The following CDH13 variants were observed in gnomAD, a reference collection of about 807,000 sequenced individuals.
CDH13 encodes the protein cadherin-13.
Under a neutral mutation model 63.8 loss-of-function variants are expected in CDH13, and 24 were observed. The observed-to-expected ratio is 0.38, with a 90% CI of 0.27 to 0.53. The LOEUF (loss-of-function observed/expected upper bound fraction) is 0.53, where lower values mean the gene tolerates loss of function less well. Ranked by LOEUF, CDH13 falls within the 20% of genes least tolerant of loss-of-function variation. The pLI, the probability that CDH13 is intolerant of heterozygous loss-of-function variation, is 0.85. For missense variants in CDH13, 1,049 were observed against 903.1 expected, an observed-to-expected ratio of 1.16 and a Z score of -2.07; for synonymous variants, 503 against 355.3, an observed-to-expected ratio of 1.42 and a Z score of -4.67.
At chr16:83,158,015 G>T (rs1441944836) in intron 4 of CDH13, among the ~76,000 whole-genome samples, 1 of 152,104 alleles carries the variant, frequency 6.6e-6, no homozygotes, top group African/African-American at 2.4e-5. Flanking sequence ...AATGCATGCC[G>T]TGAACTCATT....
chr16:83,652,996 TAC>T (rs1461714597), intron 8 of CDH13, among the ~76,000 whole-genome samples: 1 of 152,194 alleles, frequency 6.6e-6, no homozygotes, highest in Non-Finnish European at 1.5e-5. Context: ...TGATCCACGC[TAC>T]AGTGTGGATG....
intron 3 of CDH13, among the ~76,000 whole-genome samples, chr16:83,057,808 G>A (rs775725656): frequency 3.3e-5 from 5 of 152,150 alleles, no homozygotes; most frequent in Non-Finnish European, 7.3e-5. Flanking sequence ...GTTAAGACCA[G>A]AGTGTGCTTC....
chr16:83,593,395 A>T (rs897435272), intron 7 of CDH13, among the ~76,000 whole-genome samples: 1 of 152,190 alleles, frequency 6.6e-6, no homozygotes, highest in South Asian at 2.1e-4. Flanking sequence ...CACAATAGCC[A>T]ACTGGTGTCT....
At chr16:83,724,873 A>T (rs1245415956) in intron 10 of CDH13, among the ~76,000 whole-genome samples, 1 of 152,082 alleles carries the variant, frequency 6.6e-6, no homozygotes, top group African/African-American at 2.4e-5. Flanking sequence ...ACAACTCTAT[A>T]TGGCTTCCCA....
intron 5 of CDH13, among the ~76,000 whole-genome samples, chr16:83,294,878 C>G (rs181455098): frequency 6.6e-6 from 1 of 151,978 alleles, no homozygotes; most frequent in African/African-American, 2.4e-5. Flanking sequence ...TAGGAAAAAT[C>G]ATCCTAAAAA....
intron 1 of CDH13, among the ~76,000 whole-genome samples, chr16:82,817,323 G>A (rs372998971): frequency 1.2e-4 from 19 of 152,132 alleles, no homozygotes; most frequent in African/African-American, 4.6e-4. Flanking sequence ...GCTCTTCTTA[G>A]CTCAGCGTGC....
At chr16:83,513,025 AAG>A (rs1400661587) in intron 7 of CDH13, among the ~76,000 whole-genome samples, 27 of 57,594 alleles carry the variant, frequency 4.7e-4, no homozygotes, top group Admixed American at 3.1e-3. Flanking sequence ...TAAATAAAAG[AAG>A]AAAAAAAAAA....
In CDH13 at chr16:82,791,237, CAAAAAA is replaced by C. The variant is rs3046482; in HGVS notation, c.46-67108_46-67103del. ...GGGCGACAAAGCGAGACTCCGTCTC[CAAAAAA>C]AAAAAAAAAAAAAAAATTCCTAAGC... is the stretch of plus-strand genomic sequence containing the variant. On this transcript the variant is annotated intron_variant, in intron 1 of 13. Transcript: ENST00000567109. 8.7e-5 allele frequency among the ~76,000 whole-genome samples: 9 copies of C among 103,382 alleles called. No homozygotes were observed. In the South Asian group the frequency reaches 1.1e-3, roughly 13 times the overall value. The allele number at this position is 103,382 out of a possible 152,430, so 67.8% of individuals were successfully genotyped here. A position where few individuals can be genotyped will look rare whatever the true frequency, so the allele number is the denominator to read the frequency against.
chr16:83,486,405 G>T, intron 6 of CDH13, 72 bp from the exon 7 acceptor site: 1 of 1,365,422 alleles, frequency 7.3e-7, no homozygotes. Flanking sequence ...CTATTGCCCA[G>T]GTGGGGAAGG....
At chr16:83,456,866 G>A (rs931583478) in intron 6 of CDH13, among the ~76,000 whole-genome samples, 2 of 152,202 alleles carry the variant, frequency 1.3e-5, no homozygotes, top group African/African-American at 4.8e-5. Context: ...GGAGGCTGAG[G>A]CAGGAGAGTC....
intron 7 of CDH13, among the ~76,000 whole-genome samples, chr16:83,564,055 G>T (rs1335149618): frequency 6.6e-6 from 1 of 152,186 alleles, no homozygotes; most frequent in Non-Finnish European, 1.5e-5. Flanking sequence ...GAGCAATTAT[G>T]AGACTAAATG....
chr16:82,832,477 G>T (rs966484254), intron 1 of CDH13, among the ~76,000 whole-genome samples: 1 of 151,300 alleles, frequency 6.6e-6, no homozygotes, highest in Non-Finnish European at 1.5e-5. Context: ...TTATTGTGTT[G>T]CTCTACCAAC....
chr16:83,108,123 T>A (rs1286070041), intron 3 of CDH13, among the ~76,000 whole-genome samples: 1 of 152,038 alleles, frequency 6.6e-6, no homozygotes, highest in East Asian at 1.9e-4. Context: ...GCCCAGCCCC[T>A]CTTTTTCTTT....
intron 6 of CDH13, among the ~76,000 whole-genome samples, chr16:83,425,676 C>T (rs879650143): frequency 8.5e-5 from 13 of 152,210 alleles, no homozygotes; most frequent in Admixed American, 8.5e-4. Flanking sequence ...CATTTCCTCA[C>T]CTTTAGAGAA....
rs567524664 is a variant in CDH13 at position 83,798,681 on chromosome 16, T to C, written c.*3651T>C. On this transcript the variant is annotated 3_prime_UTR_variant, in exon 14 of 14. Transcript: ENST00000567109. ...GAGCAAAACCAGACAAAGTGCCTAC[T>C]GCAGACCGGAAGACCCTCGTTTGAA... 3 of 152,338 alleles carry C rather than the reference T, an allele frequency of 2.0e-5. No individual in the cohort carries two copies. The highest frequency in any genetic ancestry group is 7.2e-5 in the African/African-American group (3 of 41,566). The allele number at this position is 152,338 out of a possible 1,614,324, so 9.4% of individuals were successfully genotyped here.
chr16:83,746,782 T>C (rs1378682131), intron 10 of CDH13, among the ~76,000 whole-genome samples: 2 of 152,212 alleles, frequency 1.3e-5, no homozygotes, highest in African/African-American at 2.4e-5. Context: ...TGGCACATTA[T>C]CCAAGCCACC....
chr16:83,569,769 CT>C, intron 7 of CDH13, among the ~76,000 whole-genome samples: 1 of 152,174 alleles, frequency 6.6e-6, no homozygotes, highest in African/African-American at 2.4e-5. Flanking sequence ...TGGAGTCTCA[CT>C]CTGTCTCCCA....
intron 7 of CDH13, among the ~76,000 whole-genome samples, chr16:83,532,838 C>G (rs1012318235): frequency 1.9e-4 from 29 of 152,202 alleles, no homozygotes; most frequent in African/African-American, 7.0e-4. Flanking sequence ...GTGTTATGAG[C>G]CATGCGTTGT....
chr16:82,739,223 TAA>T (rs2033822157), intron 1 of CDH13, among the ~76,000 whole-genome samples: 1 of 151,892 alleles, frequency 6.6e-6, no homozygotes, highest in African/African-American at 2.4e-5. Flanking sequence ...AGTAATTACA[TAA>T]ATCAGAGGAA....
Sources: gnomAD v4.1 joint callset for allele counts (sites outside exome capture counted in the v4.1 genomes callset) on GRCh38, gnomAD v4.1.1 for gene constraint, MANE v1.5 for transcripts, NCBI Gene and HGNC (gene_info 2026-07-23, HGNC 2026-07-21) for gene names.